Variants in RASGRF2 observed in about 807,000 individuals in gnomAD.
RASGRF2 encodes the protein ras-specific guanine nucleotide-releasing factor 2.
Under a neutral mutation model 151.0 loss-of-function variants are expected in RASGRF2, and 76 were observed. The observed-to-expected ratio is 0.50, with a 90% confidence interval of 0.42 to 0.61. The LOEUF (loss-of-function observed/expected upper bound fraction) is 0.61. RASGRF2 is among the 20% of genes least tolerant of loss of function. The probability of loss-of-function intolerance (pLI) is 0.00; values close to 1 mark genes in which losing one functional copy is unlikely to be tolerated. For synonymous variants in RASGRF2, 504 were observed against 566.5 expected (o/e 0.89, Z 1.57); for missense variants, 1,148 against 1,564.6 (o/e 0.73, Z 4.49).
intron 2 of RASGRF2, among the ~76,000 whole-genome samples, chr5:81,044,137 G>A (rs1347599811): frequency 6.6e-6 from 1 of 152,184 alleles, no homozygotes; most frequent in South Asian, 2.1e-4. Flanking sequence ...AGGCATTTAG[G>A]CTGGGCACAG....
chr5:81,048,585 C>T (rs1270433107), intron 2 of RASGRF2, among the ~76,000 whole-genome samples: 1 of 152,146 alleles, frequency 6.6e-6, no homozygotes, highest in Non-Finnish European at 1.5e-5. Flanking sequence ...ATTTAGCATC[C>T]AGCTGAAAAG....
intron 8 of RASGRF2, 70 bp downstream of exon 8, chr5:81,085,981 T>G: frequency 6.2e-7 from 1 of 1,602,718 alleles, no homozygotes; most frequent in Admixed American, 1.7e-5. Context: ...GGAAACCTCC[T>G]GTATATGTTC....
intron 17 of RASGRF2, among the ~76,000 whole-genome samples, chr5:81,145,767 G>GGTGT (rs1753991152): frequency 6.6e-6 from 1 of 152,168 alleles, no homozygotes; most frequent in African/African-American, 2.4e-5. Flanking sequence ...CTGGACTCCA[G>GGTGT]CCGCATGGCC....
intron 17 of RASGRF2, among the ~76,000 whole-genome samples, chr5:81,159,427 C>T (rs553978043): frequency 3.9e-5 from 6 of 152,362 alleles, no homozygotes; most frequent in South Asian, 2.1e-4. Flanking sequence ...AGTTTGCTGA[C>T]TCCTGTGCTC....
At chr5:81,026,358 G>A (rs1360987075) in intron 1 of RASGRF2, among the ~76,000 whole-genome samples, 1 of 151,600 alleles carries the variant, frequency 6.6e-6, no homozygotes, top group Non-Finnish European at 1.5e-5. Flanking sequence ...TCTCCCTAGG[G>A]CCAAGACTCT....
At chr5:80,997,627 C>T (rs1041330235) in intron 1 of RASGRF2, 3 of 152,104 alleles carry the variant, frequency 2.0e-5, no homozygotes, top group African/African-American at 7.2e-5. Context: ...TTCAGTAGTT[C>T]ATATAAAAGT....
chr5:81,064,104 A>C (rs1281071079), intron 2 of RASGRF2, among the ~76,000 whole-genome samples: 1 of 152,174 alleles, frequency 6.6e-6, no homozygotes, highest in Non-Finnish European at 1.5e-5. Context: ...GCTACAATCA[A>C]GGTGTTGGCC....
intron 17 of RASGRF2, among the ~76,000 whole-genome samples, chr5:81,139,703 G>A (rs1022284272): frequency 6.6e-6 from 1 of 151,984 alleles, no homozygotes. Flanking sequence ...TGATGATATA[G>A]TTGGTGCTCA....
intron 1 of RASGRF2, among the ~76,000 whole-genome samples, chr5:80,980,223 C>T (rs1051516047): frequency 3.9e-5 from 6 of 152,336 alleles, no homozygotes; most frequent in Admixed American, 3.3e-4. Context: ...CTTGCCTCCT[C>T]GGACTGACTG....
At chr5:81,164,562 A>G (rs1754463209) in intron 17 of RASGRF2, among the ~76,000 whole-genome samples, 1 of 152,152 alleles carries the variant, frequency 6.6e-6, no homozygotes. Context: ...ATTTTTTTAC[A>G]AGTATCTGGT....
intron 15 of RASGRF2, among the ~76,000 whole-genome samples, chr5:81,122,765 C>T (rs1340768773): frequency 6.6e-6 from 1 of 152,096 alleles, no homozygotes; most frequent in Non-Finnish European, 1.5e-5. Context: ...AGAACATACA[C>T]AAAGTTGTAG....
At position 81,094,933 on chromosome 5, in the gene RASGRF2, G is replaced by A. The variant is rs766533714; in HGVS notation, c.1696G>A (p.Val566Ile). Residue 566 changes from valine to isoleucine, a missense_variant, in exon 12 of 27, where the codon GTT becomes ATT. Val to Ile is a conservative substitution (Grantham distance 29). Coordinates refer to ENST00000265080, the MANE Select transcript of RASGRF2 (RefSeq NM_006909.3). ...GCCTCCTGACGCTGCCGCCTTCACTGTTGTCTTGTTAGCACCCTCACGCCA... is the reference window on the plus strand; with the variant it reads ...GCCTCCTGACGCTGCCGCCTTCACTATTGTCTTGTTAGCACCCTCACGCCA... ...VEPPDAAAFT[V>I]VLLAPSRQEK... 5.6e-6 allele frequency: 9 copies of A among 1,603,166 alleles called. No homozygotes were observed. Among genetic ancestry groups the A allele is most frequent in the African/African-American group, 2.7e-5 (2 of 74,518 alleles).
At chr5:81,007,994 T>G (rs888139489) in intron 1 of RASGRF2, among the ~76,000 whole-genome samples, 3 of 152,130 alleles carry the variant, frequency 2.0e-5, no homozygotes, top group African/African-American at 7.2e-5. Flanking sequence ...CAATAGTATT[T>G]ATTGTCTTCA....
chr5:81,113,774 C>A lies in RASGRF2; in HGVS notation c.2324C>A (p.Ala775Glu), dbSNP rs148833634. The A allele has an allele frequency of 2.5e-6, 4 of 1,614,158 alleles. No homozygotes were observed. The Admixed American group carries it at 6.7e-5, about 27-fold the overall frequency. Reference sequence around the variant, plus strand: ...ACCACCACCACCCAGAGTCCCGCTGCGTCTCCACCACCACACACTGGTCAG... The same window carrying A: ...ACCACCACCACCCAGAGTCCCGCTGAGTCTCCACCACCACACACTGGTCAG... ...SPTTTTQSPA[A>E]SPPPHTGQIP... The change falls in exon 15 of 27, where the codon GCG (alanine) becomes GAG (glutamate). Residue 775 changes from alanine (A) to glutamate (E), a missense_variant. By Grantham distance (107) the Ala-to-Glu change is moderately radical (BLOSUM62 -1). Coordinates refer to ENST00000265080, the MANE Select transcript of RASGRF2 (RefSeq NM_006909.3).
rs575140267 is a variant in RASGRF2, at chr5:81,123,702, C to T, written c.2531C>T (p.Thr844Ile). 29 of 1,613,878 alleles carry T rather than the reference C, an allele frequency of 1.8e-5. No homozygotes were observed. Among genetic ancestry groups the T allele is most frequent in the Non-Finnish European group, 2.5e-5 (29 of 1,179,950 alleles). The change falls in exon 16 of 27, where the codon ACC becomes ATC. Residue 844 changes from threonine (T) to isoleucine (I), a missense_variant. Transcript: ENST00000265080. ...AGVESSPAAD[T>I]TELSPCRSPS... ...GTGGAAAGCTCCCCTGCAGCGGACA[C>T]CACAGAACTTTCACCTTGCAGATCC...
chr5:81,056,428 T>C (rs1262193255), intron 2 of RASGRF2, among the ~76,000 whole-genome samples: 2 of 152,218 alleles, frequency 1.3e-5, no homozygotes, highest in African/African-American at 2.4e-5. Context: ...TTCCATGTAG[T>C]TGAGCGGTTT....
rs1561211935 is a variant in RASGRF2, at chr5:81,112,731, T to G, written c.1960T>G (p.Leu654Val). ...GCGCCTCTTGGAACGACTGACAGAC[T>G]TGCGGTTTCTTAGTATTGATTTCCT... is the stretch of plus-strand genomic sequence containing the variant. ...VERLLERLTD[L>V]RFLSIDFLNT... Residue 654 changes from leucine (L) to valine (V), a missense_variant, in exon 14 of 27, where the codon TTG becomes GTG. Transcript: ENST00000265080. 2 of 1,614,220 alleles carry G rather than the reference T, an allele frequency of 1.2e-6. No individual in the cohort carries two copies. The highest frequency in any genetic ancestry group is 8.5e-7 in the Non-Finnish European group (1 of 1,180,038).
intron 17 of RASGRF2, among the ~76,000 whole-genome samples, chr5:81,174,982 C>G (rs922439758): frequency 6.6e-6 from 1 of 152,198 alleles, no homozygotes; most frequent in Non-Finnish European, 1.5e-5. Context: ...TACTAACTTG[C>G]AAGAGAAACT....
chr5:81,185,562 A>G (rs987577025), intron 18 of RASGRF2, among the ~76,000 whole-genome samples: 5 of 152,118 alleles, frequency 3.3e-5, no homozygotes, highest in Non-Finnish European at 7.4e-5. Context: ...TCCCACAGAG[A>G]GGTCTCCAAA....
Sources: gnomAD v4.1 joint callset for allele counts (sites outside exome capture counted in the v4.1 genomes callset) on GRCh38, gnomAD v4.1.1 for gene constraint, MANE v1.5 for transcripts, NCBI Gene and HGNC (gene_info 2026-07-23, HGNC 2026-07-21) for gene names.